Variants in ACSBG1 observed in about 807,000 individuals in gnomAD.
ACSBG1 encodes the protein acyl-CoA synthetase bubblegum family member 1.
ACSBG1 carries 39 observed loss-of-function variants against 80.2 expected under a neutral mutation model. The ratio of observed to expected loss-of-function variants is 0.49; its 90% CI spans 0.38 to 0.64. ACSBG1 has a LOEUF of 0.64. ACSBG1 is among the 30% of genes least tolerant of loss of function. ACSBG1 has a pLI of 0.00. For missense variants in ACSBG1, 828 were observed against 966.4 expected (o/e 0.86, Z 1.90); for synonymous variants, 392 against 379.5 (o/e 1.03, Z -0.38).
At position 78,172,858 on chromosome 15, in the gene ACSBG1, C is replaced by T. The variant is rs890777266; in HGVS notation, c.2089+735G>A. Among the ~76,000 whole-genome samples the T allele has an allele frequency of 2.0e-5, 3 of 152,172 alleles. No homozygotes were observed. The highest frequency in any genetic ancestry group is 4.8e-5 in the African/African-American group (2 of 41,442). ...TCTCCTGGTTCTGTGGGCAGTGGTC[C>T]GGAACAGCCTTATCCCTTTGTCACA... On this transcript the variant is annotated intron_variant, in intron 13 of 13. Coordinates refer to ENST00000258873, the MANE Select transcript of ACSBG1 (RefSeq NM_015162.5). The surrounding 1 kb of genome is among the most constrained non-coding windows in gnomAD (Gnocchi z 4.1).
intron 1 of ACSBG1, among the ~76,000 whole-genome samples, chr15:78,208,838 A>G (rs1383839459): frequency 2.6e-5 from 4 of 152,164 alleles, no homozygotes; most frequent in Admixed American, 6.5e-5. Flanking sequence ...TTATCCTTTC[A>G]GCCTGACTGC....
rs74688644 is a variant in ACSBG1 at position 78,234,226 on chromosome 15, G to A, written c.131+145C>T. On this transcript the variant is annotated intron_variant, in intron 1 of 13. Transcript: ENST00000258873. ...CAAATGACCAGTTCTTCCATCTTAC[G>A]GATCGCCCAGATCCTTCCCTTCATT... 5.8e-4 allele frequency: 685 copies of A among 1,171,490 alleles called. 6 individuals are homozygous for A. The African/African-American group carries it at 9.7e-3, about 17-fold the overall frequency. 72.6% of individuals were successfully genotyped at this position (1,171,490 alleles called of 1,614,324 possible).
At chr15:78,229,550 C>T (rs922862051) in intron 1 of ACSBG1, among the ~76,000 whole-genome samples, 4 of 152,160 alleles carry the variant, frequency 2.6e-5, no homozygotes, top group East Asian at 1.9e-4. Flanking sequence ...CAGCCTCCTG[C>T]GACCGTTCCA....
intron 1 of ACSBG1, among the ~76,000 whole-genome samples, chr15:78,219,079 TG>T (rs2141381054): frequency 6.6e-6 from 1 of 152,280 alleles, no homozygotes; most frequent in East Asian, 1.9e-4. Context: ...CCCAAAGTGC[TG>T]GGATTACAGG....
At chr15:78,197,369 TTAAAATGGGTAAA>T (rs1221325391) in intron 2 of ACSBG1, among the ~76,000 whole-genome samples, 8 of 152,118 alleles carry the variant, frequency 5.3e-5, no homozygotes, top group Admixed American at 3.9e-4. Flanking sequence ...AATTGTGCAC[TTAAAATGGGTAAA>T]TTTCATGGCA....
intron 2 of ACSBG1, among the ~76,000 whole-genome samples, chr15:78,206,453 C>T (rs1241127926): frequency 5.9e-5 from 9 of 152,126 alleles, no homozygotes; most frequent in East Asian, 1.9e-4. Context: ...GAAGATTGTC[C>T]GTCTCAGTCT....
intron 2 of ACSBG1, among the ~76,000 whole-genome samples, chr15:78,197,878 G>A (rs368498187): frequency 1.3e-5 from 2 of 151,932 alleles, no homozygotes; most frequent in Admixed American, 1.3e-4. Context: ...TTCCTCCTAC[G>A]CCTGGACTAC....
intron 5 of ACSBG1, among the ~76,000 whole-genome samples, chr15:78,188,321 C>A (rs1308845432): frequency 1.3e-5 from 2 of 152,048 alleles, no homozygotes; most frequent in African/African-American, 2.4e-5. Context: ...TTGGAAAAAA[C>A]TACTTTAAAG....
chr15:78,211,020 T>C (rs1271209019), intron 1 of ACSBG1, among the ~76,000 whole-genome samples: 6 of 152,258 alleles, frequency 3.9e-5, no homozygotes, highest in East Asian at 1.9e-4. Flanking sequence ...CCATTTCTTT[T>C]TGTAGCAGAA....
At chr15:78,196,560 T>C (rs964076478) in intron 2 of ACSBG1, among the ~76,000 whole-genome samples, 2 of 152,194 alleles carry the variant, frequency 1.3e-5, no homozygotes, top group African/African-American at 4.8e-5. Flanking sequence ...TAGCAGTTTC[T>C]TAAAGAGTTA....
At position 78,180,767 on chromosome 15, in the gene ACSBG1, G is replaced by A. The variant is rs1828098220; in HGVS notation, c.1241C>T (p.Thr414Ile). 6.2e-7 allele frequency: 1 copy of A among 1,614,050 alleles called. No homozygotes were observed. The change falls in exon 9 of 14, where the codon ACC (threonine) becomes ATC (isoleucine). Residue 414 changes from threonine to isoleucine, a missense_variant. By Grantham distance (89) the Thr-to-Ile change is moderately conservative. Around this residue, in one of 3 missense-constraint regions of ACSBG1, gnomAD observed 271 missense variants for 375.9 expected, o/e 0.72. Transcript: ENST00000258873. ...AMSVTLEQNL[T>I]CPGSDLKPFT... Reference sequence around the variant, plus strand: ...GGGCCCTCTGTACCTGCCGGGGCAGGTGAGGTTCTGCTCCAAGGTCACCGA... The same window carrying A: ...GGGCCCTCTGTACCTGCCGGGGCAGATGAGGTTCTGCTCCAAGGTCACCGA...
intron 2 of ACSBG1, among the ~76,000 whole-genome samples, chr15:78,198,232 G>A (rs535055242): frequency 6.0e-4 from 91 of 152,058 alleles, no homozygotes; most frequent in Admixed American, 1.6e-3. Flanking sequence ...GTGGAGACAG[G>A]GTTTCACTGT....
At chr15:78,215,788 G>A (rs535324758) in intron 1 of ACSBG1, among the ~76,000 whole-genome samples, 89 of 144,054 alleles carry the variant, frequency 6.2e-4, no homozygotes, top group Middle Eastern at 3.5e-3. Flanking sequence ...GAAAGAAAGA[G>A]AAAGAAAGAG....
Position 78,206,550 on chromosome 15 carries a change from T to G in ACSBG1, c.232+1452A>C, listed in dbSNP as rs560188585. Among the ~76,000 whole-genome samples, 27 of 152,250 alleles carry G rather than the reference T, an allele frequency of 1.8e-4. No individual in the cohort carries two copies. The South Asian group carries it at 5.6e-3, about 32-fold the overall frequency. ...CCAGTTTCCCAAAGTCCTGATACACTAGATCGTGATGGCCTTGTCACCTCC... is the reference window on the plus strand; with the variant it reads ...CCAGTTTCCCAAAGTCCTGATACACGAGATCGTGATGGCCTTGTCACCTCC... On this transcript the variant is annotated intron_variant, in intron 2 of 13. Transcript: ENST00000258873.
chr15:78,226,793 T>TAATATATATATATATA (rs1555434843), intron 1 of ACSBG1, among the ~76,000 whole-genome samples: 1 of 129,018 alleles, frequency 7.8e-6, no homozygotes, highest in Non-Finnish European at 1.6e-5. Flanking sequence ...AAAATATATA[T>TAATATATATATATATA]ATATATATAA....
At chr15:78,227,242 A>C (rs934618924) in intron 1 of ACSBG1, among the ~76,000 whole-genome samples, 5 of 148,050 alleles carry the variant, frequency 3.4e-5, no homozygotes, top group Non-Finnish European at 7.5e-5. Flanking sequence ...AAAAAAAAAA[A>C]AAGATACACA....
intron 1 of ACSBG1, 82 bp from the exon 2 acceptor site, chr15:78,208,184 C>T (rs925785202): frequency 4.0e-6 from 4 of 988,778 alleles, no homozygotes; most frequent in Non-Finnish European, 6.3e-6. Flanking sequence ...GCCTGGCACA[C>T]ATCTCAGCAC....
intron 1 of ACSBG1, among the ~76,000 whole-genome samples, chr15:78,229,704 C>T (rs1053618753): frequency 6.6e-6 from 1 of 152,124 alleles, no homozygotes; most frequent in Non-Finnish European, 1.5e-5. Context: ...TTGGAGCTCC[C>T]AAGTCCTGGC....
intron 13 of ACSBG1, 100 bp downstream of exon 13, chr15:78,173,490 CCTT>C (rs2074848205): frequency 1.2e-5 from 18 of 1,503,276 alleles, no homozygotes; most frequent in East Asian, 2.3e-5. Flanking sequence ...CCTGCCATGA[CCTT>C]CTCTTTGCCG....
Sources: gnomAD v4.1 joint callset for allele counts (sites outside exome capture counted in the v4.1 genomes callset) on GRCh38, gnomAD v4.1.1 for gene constraint, gnomAD v4.1.1 regional missense constraint, Gnocchi (gnomAD v3.1) non-coding constraint, MANE v1.5 for transcripts, NCBI Gene and HGNC (gene_info 2026-07-23, HGNC 2026-07-21) for gene names.